The following FAM3D variants were observed in gnomAD, a reference collection of about 807,000 sequenced individuals.
The protein encoded by FAM3D is FAM3 metabolism regulating signaling molecule D.
Under a neutral mutation model 29.8 loss-of-function variants are expected in FAM3D, and 26 were observed. The ratio of observed to expected loss-of-function variants is 0.87; its 90% CI spans 0.64 to 1.21. The LOEUF is 1.21. FAM3D is among the 50% of genes most tolerant of loss of function. The probability of loss-of-function intolerance (pLI) is 0.00; values close to 1 mark genes in which losing one functional copy is unlikely to be tolerated. For synonymous variants in FAM3D, 115 were observed against 102.3 expected, an observed-to-expected ratio of 1.12 and a Z score of -0.75; for missense variants, 253 against 290.9, an observed-to-expected ratio of 0.87 and a Z score of 0.95.
intron 6 of FAM3D, among the ~76,000 whole-genome samples, chr3:58,641,457 C>T (rs2106757683): frequency 6.6e-6 from 1 of 152,040 alleles, no homozygotes; most frequent in East Asian, 1.9e-4. Flanking sequence ...ACCTCCCAGG[C>T]TCAAGCAATC....
rs192747210 is a variant in FAM3D at position 58,658,394 on chromosome 3, A to G, written c.-38-2793T>C. Among the ~76,000 whole-genome samples, 4 of 152,346 alleles carry G rather than the reference A, an allele frequency of 2.6e-5. No individual in the cohort carries two copies. In the East Asian group the frequency reaches 7.7e-4, roughly 29 times the overall value. The stretch of plus-strand genomic sequence containing the variant: ...GGCCACACAGTCAGTTGTGGAGCTC[A>G]TTTCCAAAGCATTCCCTGAGCATCC... On this transcript the variant is annotated intron_variant, in intron 1 of 9. Coordinates refer to ENST00000358781, the MANE Select transcript of FAM3D (RefSeq NM_138805.3).
At chr3:58,636,769 GT>G (rs10707711) in intron 8 of FAM3D, among the ~76,000 whole-genome samples, 146,988 of 152,088 alleles carry the variant, frequency 0.97, 71,229 homozygotes, top group East Asian at 1. Context: ...TCCATACAGT[GT>G]TTTTTTTTCC....
chr3:58,638,413 T>C (rs2066236575), intron 7 of FAM3D, among the ~76,000 whole-genome samples: 1 of 152,234 alleles, frequency 6.6e-6, no homozygotes, highest in African/African-American at 2.4e-5. Context: ...GCAGAGACTA[T>C]ATCTGTCAAA....
chr3:58,644,966 G>T (rs2066434152), intron 5 of FAM3D, among the ~76,000 whole-genome samples: 1 of 152,142 alleles, frequency 6.6e-6, no homozygotes, highest in African/African-American at 2.4e-5. Flanking sequence ...TCAGAATCCT[G>T]GTTTAAACAC....
At chr3:58,647,728 A>G (rs185953035) in intron 4 of FAM3D, among the ~76,000 whole-genome samples, 9 of 152,198 alleles carry the variant, frequency 5.9e-5, no homozygotes, top group Admixed American at 1.3e-4. Flanking sequence ...GTTCTGGCAT[A>G]GAAGGCTGCT....
At chr3:58,650,858 C>G (rs537458802) in intron 3 of FAM3D, among the ~76,000 whole-genome samples, 1 of 152,310 alleles carries the variant, frequency 6.6e-6, no homozygotes, top group South Asian at 2.1e-4. Flanking sequence ...GCTGGGACTA[C>G]AGGCGCCCGC....
chr3:58,655,903 A>G (rs924857073), intron 1 of FAM3D, among the ~76,000 whole-genome samples: 1 of 152,086 alleles, frequency 6.6e-6, no homozygotes. Context: ...TGATTTATTC[A>G]CTTATCCATC....
At chr3:58,663,183 G>T (rs2066964851) in intron 1 of FAM3D, among the ~76,000 whole-genome samples, 1 of 152,226 alleles carries the variant, frequency 6.6e-6, no homozygotes, top group African/African-American at 2.4e-5. Flanking sequence ...ACAGGCCTGG[G>T]CCACCATGCC....
chr3:58,661,696 T>C (rs2066933995), intron 1 of FAM3D, among the ~76,000 whole-genome samples: 1 of 152,166 alleles, frequency 6.6e-6, no homozygotes, highest in Non-Finnish European at 1.5e-5. Context: ...CGGCCTCAGC[T>C]TCCTTTCACA....
At chr3:58,636,539 G>A (rs1420189718) in intron 8 of FAM3D, 119 bp from the exon 9 acceptor site, 14 of 1,424,832 alleles carry the variant, frequency 9.8e-6, no homozygotes, top group Non-Finnish European at 1.2e-5. Context: ...TGCCCTGGGG[G>A]TGTCCAGAGA....
At chr3:58,656,591 G>A (rs761891383) in intron 1 of FAM3D, among the ~76,000 whole-genome samples, 27 of 152,162 alleles carry the variant, frequency 1.8e-4, no homozygotes, top group Non-Finnish European at 3.5e-4. Flanking sequence ...TGGAGACTTA[G>A]AGGACAGGAG....
chr3:58,649,558 T>A, intron 3 of FAM3D: 1 of 589,072 alleles, frequency 1.7e-6, no homozygotes, highest in East Asian at 2.9e-5. Flanking sequence ...CGCACACACA[T>A]ATACACATGC....
At chr3:58,636,537 G>A (rs2066177983) in intron 8 of FAM3D, 117 bp from the exon 9 acceptor site, 1 of 1,446,226 alleles carries the variant, frequency 6.9e-7, no homozygotes, top group Non-Finnish European at 9.3e-7. Context: ...TCTGCCCTGG[G>A]GGTGTCCAGA....
chr3:58,656,672 C>A (rs980435088), intron 1 of FAM3D, among the ~76,000 whole-genome samples: 5 of 152,164 alleles, frequency 3.3e-5, no homozygotes, highest in African/African-American at 1.2e-4. Flanking sequence ...GATGACCTCT[C>A]CCACAACTCT....
intron 4 of FAM3D, among the ~76,000 whole-genome samples, chr3:58,646,002 G>T (rs2066468906): frequency 6.6e-6 from 1 of 152,202 alleles, no homozygotes; most frequent in East Asian, 1.9e-4. Context: ...GGCCCCTGTT[G>T]AGAACTCCCA....
At chr3:58,637,305 A>T in intron 7 of FAM3D, 80 bp from the exon 8 acceptor site, 1 of 1,340,030 alleles carries the variant, frequency 7.5e-7, no homozygotes, top group Middle Eastern at 2.5e-4. Flanking sequence ...CTGCCCCATG[A>T]TGCAGGAGTC....
rs140310731 is a variant in FAM3D, at chr3:58,635,035, T to C, written c.586-667A>G. Among the ~76,000 whole-genome samples, 195 of 152,096 alleles carry C rather than the reference T, an allele frequency of 1.3e-3. 1 individual carries two copies. Among genetic ancestry groups the C allele is most frequent in the African/African-American group, 4.6e-3 (190 of 41,500 alleles). ...AGAAAACATAAAAAAATTAGCTGGA[T>C]GTGGTGGCACATGCCTGTGGTCCCA... On this transcript the variant is annotated intron_variant, in intron 9 of 9. Transcript: ENST00000358781. The surrounding 1 kb of genome is among the most constrained non-coding windows in gnomAD (Gnocchi z 5.2).
intron 1 of FAM3D, among the ~76,000 whole-genome samples, chr3:58,657,176 G>A (rs1448115668): frequency 6.6e-6 from 1 of 152,128 alleles, no homozygotes; most frequent in Non-Finnish European, 1.5e-5. Flanking sequence ...GTTCTTGGAT[G>A]AGACTCAAAA....
At chr3:58,637,467 G>A (rs2066207965) in intron 7 of FAM3D, among the ~76,000 whole-genome samples, 1 of 152,120 alleles carries the variant, frequency 6.6e-6, no homozygotes, top group Non-Finnish European at 1.5e-5. Context: ...CTGGACACTG[G>A]AATTTAGAAA....
Sources: gnomAD v4.1 joint callset for allele counts (sites outside exome capture counted in the v4.1 genomes callset) on GRCh38, gnomAD v4.1.1 for gene constraint, Gnocchi (gnomAD v3.1) non-coding constraint, MANE v1.5 for transcripts, NCBI Gene and HGNC (gene_info 2026-07-23, HGNC 2026-07-21) for gene names.